The following RARB variants were observed in gnomAD, a reference collection of about 807,000 sequenced individuals.
The protein encoded by RARB is retinoic acid receptor beta.
Under a neutral mutation model 51.9 loss-of-function variants are expected in RARB, and 17 were observed. The ratio of observed to expected loss-of-function variants is 0.33; its 90% CI spans 0.22 to 0.49. RARB has a LOEUF of 0.49. Ranked by LOEUF, RARB falls within the 20% of genes least tolerant of loss-of-function variation. RARB has a pLI of 0.99. For synonymous variants in RARB, 215 were observed against 195.4 expected (o/e 1.10, Z -0.84); for missense variants, 369 against 550.8 (o/e 0.67, Z 3.30).
At chr3:24,873,568 G>GT (rs1278427859) in intron 2 of RARB, among the ~76,000 whole-genome samples, 2 of 151,282 alleles carry the variant, frequency 1.3e-5, no homozygotes, top group Admixed American at 6.6e-5. Flanking sequence ...TCTACAGTAA[G>GT]TTTTTTTAAT....
intron 5 of RARB, among the ~76,000 whole-genome samples, chr3:25,241,370 T>G (rs1702426790): frequency 6.6e-6 from 1 of 152,158 alleles, no homozygotes; most frequent in Admixed American, 6.6e-5. Flanking sequence ...ACATGCAGTT[T>G]TGTTACGTAG....
intron 3 of RARB, among the ~76,000 whole-genome samples, chr3:25,543,235 G>C (rs112897291): frequency 6.6e-6 from 1 of 152,016 alleles, no homozygotes; most frequent in Non-Finnish European, 1.5e-5. Context: ...AGAGCTTTGG[G>C]GTCTGAACAG....
chr3:24,946,023 T>C (rs548312913), intron 2 of RARB, among the ~76,000 whole-genome samples: 1 of 152,142 alleles, frequency 6.6e-6, no homozygotes, highest in Non-Finnish European at 1.5e-5. Context: ...CGCAGCACTT[T>C]GGGAGGCCGA....
At chr3:25,213,025 A>T (rs1474655580) in intron 5 of RARB, among the ~76,000 whole-genome samples, 1 of 152,208 alleles carries the variant, frequency 6.6e-6, no homozygotes, top group East Asian at 1.9e-4. Flanking sequence ...AAATTCGCGT[A>T]GTCTTAAAGA....
At chr3:25,326,602 G>T (rs1704722762) in intron 5 of RARB, among the ~76,000 whole-genome samples, 1 of 152,102 alleles carries the variant, frequency 6.6e-6, no homozygotes, top group Admixed American at 6.5e-5. Flanking sequence ...AAGTCCAACT[G>T]TTTTTCAGCA....
intron 2 of RARB, among the ~76,000 whole-genome samples, chr3:25,461,972 C>T (rs900415230): frequency 4.6e-5 from 7 of 152,238 alleles, no homozygotes; most frequent in Admixed American, 2.0e-4. Flanking sequence ...TAGAACATGC[C>T]GTCTGGTGTC....
chr3:25,137,880 A>G (rs1700055683), intron 4 of RARB, among the ~76,000 whole-genome samples: 1 of 152,116 alleles, frequency 6.6e-6, no homozygotes, highest in African/African-American at 2.4e-5. Context: ...ACCTGAAGGC[A>G]AGAGGTAGTT....
intron 5 of RARB, among the ~76,000 whole-genome samples, chr3:25,273,028 G>T (rs1210701210): frequency 1.3e-5 from 2 of 152,096 alleles, no homozygotes; most frequent in Non-Finnish European, 2.9e-5. Flanking sequence ...TCATTCATTT[G>T]CATTTTACAT....
At chr3:24,887,693 A>G (rs2125361455) in intron 2 of RARB, among the ~76,000 whole-genome samples, 1 of 152,316 alleles carries the variant, frequency 6.6e-6, no homozygotes, top group Non-Finnish European at 1.5e-5. Context: ...GGTTGACTCT[A>G]CACTGTGACT....
intron 5 of RARB, among the ~76,000 whole-genome samples, chr3:25,268,206 T>C (rs1329851873): frequency 2.0e-5 from 3 of 152,324 alleles, no homozygotes; most frequent in East Asian, 1.9e-4. Flanking sequence ...GAGCATTTGG[T>C]GACTACCACT....
intron 5 of RARB, among the ~76,000 whole-genome samples, chr3:25,245,639 C>G (rs965891498): frequency 4.6e-5 from 7 of 152,176 alleles, no homozygotes; most frequent in Non-Finnish European, 1.0e-4. Context: ...CCCCCACTCT[C>G]TTCTTGCTTG....
At chr3:25,205,591 A>T (rs559755762) in intron 5 of RARB, among the ~76,000 whole-genome samples, 1 of 151,926 alleles carries the variant, frequency 6.6e-6, no homozygotes, top group African/African-American at 2.4e-5. Flanking sequence ...TTTTTAACCC[A>T]AAAAAAATAA....
chr3:25,570,371 T>C (rs1307572639), intron 4 of RARB, among the ~76,000 whole-genome samples: 1 of 152,080 alleles, frequency 6.6e-6, no homozygotes, highest in Non-Finnish European at 1.5e-5. Context: ...CCCCAATCCA[T>C]CTGTGAAATC....
chr3:24,938,314 C>G (rs144891717), intron 2 of RARB, among the ~76,000 whole-genome samples: 1 of 152,230 alleles, frequency 6.6e-6, no homozygotes, highest in Non-Finnish European at 1.5e-5. Context: ...TAGAGTCTTT[C>G]GTTGTACTGT....
chr3:24,921,633 C>A (rs1171885398), intron 2 of RARB, among the ~76,000 whole-genome samples: 2 of 152,044 alleles, frequency 1.3e-5, no homozygotes, highest in Non-Finnish European at 1.5e-5. Flanking sequence ...GAGGTCCCCC[C>A]CATCTCCTCT....
At chr3:25,500,334 ATT>A (rs898352654) in intron 2 of RARB, among the ~76,000 whole-genome samples, 1 of 151,720 alleles carries the variant, frequency 6.6e-6, no homozygotes, top group African/African-American at 2.4e-5. Context: ...ATTTTGGATA[ATT>A]TTTTTAAATT....
intron 2 of RARB, among the ~76,000 whole-genome samples, chr3:25,487,887 G>T (rs1014345751): frequency 6.6e-6 from 1 of 152,182 alleles, no homozygotes; most frequent in African/African-American, 2.4e-5. Flanking sequence ...AACTTCAGGT[G>T]ATGTTGAAAA....
chr3:25,278,830 G>A (rs758878811), intron 5 of RARB, among the ~76,000 whole-genome samples: 1 of 152,146 alleles, frequency 6.6e-6, no homozygotes, highest in Non-Finnish European at 1.5e-5. Context: ...AACACAAATG[G>A]GAGCTAAGAA....
intron 5 of RARB, among the ~76,000 whole-genome samples, chr3:25,259,771 CA>C (rs1702952696): frequency 6.6e-6 from 1 of 152,144 alleles, no homozygotes; most frequent in Admixed American, 6.5e-5. Flanking sequence ...TTTTCTTCAG[CA>C]AAACCCATTT....
Sources: allele counts gnomAD v4.1 joint callset (sites outside exome capture counted in the v4.1 genomes callset), GRCh38; gene constraint gnomAD v4.1.1; transcripts MANE v1.5; gene names NCBI Gene and HGNC (gene_info 2026-07-23, HGNC 2026-07-21).